The following DLG2 variants were observed in gnomAD, a reference collection of about 807,000 sequenced individuals.
The protein encoded by DLG2 is discs large MAGUK scaffold protein 2.
DLG2 carries 45 observed loss-of-function variants against 132.5 expected under a neutral mutation model. That is an observed-to-expected ratio of 0.34 (90% CI 0.27 to 0.44). The LOEUF is 0.44. Among genes scored for constraint, DLG2 ranks in the 20% least tolerant of loss-of-function variants. The probability of loss-of-function intolerance (pLI) is 1.00; values close to 1 mark genes in which losing one functional copy is unlikely to be tolerated. For synonymous variants in DLG2, 424 were observed against 419.6 expected, an observed-to-expected ratio of 1.01 and a Z score of -0.13; for missense variants, 1,045 against 1,196.9, an observed-to-expected ratio of 0.87 and a Z score of 1.87.
intron 15 of DLG2, among the ~76,000 whole-genome samples, chr11:83,875,258 G>T (rs1391803253): frequency 6.6e-6 from 1 of 152,078 alleles, no homozygotes; most frequent in Non-Finnish European, 1.5e-5. Flanking sequence ...TGATTTTGTA[G>T]ATAAGTAATA....
At chr11:84,265,693 GGTA>G (rs371461570) in intron 7 of DLG2, among the ~76,000 whole-genome samples, 28 of 151,938 alleles carry the variant, frequency 1.8e-4, no homozygotes, top group African/African-American at 6.5e-4. Context: ...AAGGAAGATA[GGTA>G]GTAGTAGTAG....
chr11:84,803,848 C>G (rs2075701278), intron 6 of DLG2, among the ~76,000 whole-genome samples: 1 of 152,154 alleles, frequency 6.6e-6, no homozygotes, highest in African/African-American at 2.4e-5. Context: ...ATGTTGCTTT[C>G]TGACTTCTTC....
intron 18 of DLG2, among the ~76,000 whole-genome samples, chr11:83,754,739 C>T (rs1197419441): frequency 6.6e-6 from 1 of 151,066 alleles, no homozygotes; most frequent in Non-Finnish European, 1.5e-5. Flanking sequence ...ACACAAGATA[C>T]AGGAGGAAAC....
intron 17 of DLG2, among the ~76,000 whole-genome samples, chr11:83,794,226 C>T (rs1309344154): frequency 6.6e-6 from 1 of 152,144 alleles, no homozygotes; most frequent in Admixed American, 6.5e-5. Flanking sequence ...TGCCCTTGTT[C>T]CTGTTGATTT....
chr11:85,183,679 G>C (rs920779636), intron 4 of DLG2, among the ~76,000 whole-genome samples: 4 of 151,880 alleles, frequency 2.6e-5, no homozygotes, highest in African/African-American at 9.7e-5. Flanking sequence ...GCATGGGCAG[G>C]CTGAGATATC....
At chr11:84,632,374 G>GA (rs1046870747) in intron 6 of DLG2, among the ~76,000 whole-genome samples, 14 of 149,600 alleles carry the variant, frequency 9.4e-5, no homozygotes, top group South Asian at 4.2e-4. Flanking sequence ...CATGTTTGAA[G>GA]AAAAAAAAAT....
chr11:85,165,531 A>G (rs142264771), intron 4 of DLG2, among the ~76,000 whole-genome samples: 1 of 152,304 alleles, frequency 6.6e-6, no homozygotes, highest in Non-Finnish European at 1.5e-5. Flanking sequence ...TCTATAAGGA[A>G]AGTACTTTGA....
intron 11 of DLG2, among the ~76,000 whole-genome samples, chr11:84,003,533 G>A (rs894987719): frequency 6.6e-6 from 1 of 152,090 alleles, no homozygotes; most frequent in African/African-American, 2.4e-5. Context: ...AGGTGAACTG[G>A]AAGAAAGACA....
At chr11:83,830,250 A>G (rs1331956029) in intron 17 of DLG2, among the ~76,000 whole-genome samples, 1 of 152,246 alleles carries the variant, frequency 6.6e-6, no homozygotes, top group Non-Finnish European at 1.5e-5. Context: ...TAAGACGACT[A>G]TAATTCTGAT....
chr11:83,951,668 T>A (rs115501207), intron 14 of DLG2, among the ~76,000 whole-genome samples: 193 of 152,150 alleles, frequency 1.3e-3, no homozygotes, highest in African/African-American at 4.6e-3. Flanking sequence ...GAAGTCTGAG[T>A]ATCAGTGAAG....
At chr11:84,196,295 C>G (rs920812021) in intron 8 of DLG2, among the ~76,000 whole-genome samples, 3 of 152,132 alleles carry the variant, frequency 2.0e-5, no homozygotes, top group Non-Finnish European at 4.4e-5. Flanking sequence ...CAATCAATGT[C>G]ACAGGAACTC....
intron 6 of DLG2, among the ~76,000 whole-genome samples, chr11:85,028,859 G>C (rs2060772321): frequency 6.6e-6 from 1 of 152,100 alleles, no homozygotes; most frequent in Non-Finnish European, 1.5e-5. Flanking sequence ...GAAAAGGGCT[G>C]GGCTCCTGCC....
chr11:85,486,897 G>A (rs973114093), intron 3 of DLG2, among the ~76,000 whole-genome samples: 5 of 150,396 alleles, frequency 3.3e-5, no homozygotes, highest in Non-Finnish European at 5.9e-5. Context: ...GGCCTTAAAA[G>A]AGACACCACC....
chr11:85,587,311 C>G (rs1048259906), intron 3 of DLG2, among the ~76,000 whole-genome samples: 1 of 152,160 alleles, frequency 6.6e-6, no homozygotes, highest in Non-Finnish European at 1.5e-5. Flanking sequence ...AAGTCCCCCA[C>G]TATTATTGTG....
chr11:85,037,806 T>G (rs1388954965), intron 6 of DLG2, among the ~76,000 whole-genome samples: 2 of 152,164 alleles, frequency 1.3e-5, no homozygotes, highest in East Asian at 3.8e-4. Context: ...GTTTCTAAAA[T>G]AAGACACATT....
rs199664093 is a variant in DLG2 at position 85,060,419 on chromosome 11, G to GTA, written c.357+51240_357+51241dup. 1.1e-4 allele frequency among the ~76,000 whole-genome samples: 17 copies of GTA among 149,902 alleles called. No individual in the cohort carries two copies. In the East Asian group the frequency reaches 3.0e-3, roughly 26 times the overall value. ...TATACATAACATTATATATGTGTGT[G>GTA]TATATATATGTGTATATATATACAC... On this transcript the variant is annotated intron_variant, in intron 6 of 27. Transcript: ENST00000376104.
intron 6 of DLG2, among the ~76,000 whole-genome samples, chr11:84,863,689 G>T (rs2084105940): frequency 6.6e-6 from 1 of 152,154 alleles, no homozygotes; most frequent in Admixed American, 6.6e-5. Flanking sequence ...AGACTCTGAT[G>T]AAGAGATAAA....
At chr11:84,172,698 A>G (rs182978111) in intron 8 of DLG2, among the ~76,000 whole-genome samples, 9 of 152,152 alleles carry the variant, frequency 5.9e-5, no homozygotes, top group Non-Finnish European at 1.0e-4. Context: ...ACCCGCCACC[A>G]TGCGCAGCTA....
At chr11:84,571,835 C>T (rs1484874093) in intron 6 of DLG2, among the ~76,000 whole-genome samples, 1 of 152,010 alleles carries the variant, frequency 6.6e-6, no homozygotes, top group Non-Finnish European at 1.5e-5. Context: ...CATGGCAAAC[C>T]ACAGCTGAGT....
Sources: allele counts gnomAD v4.1 joint callset (sites outside exome capture counted in the v4.1 genomes callset), GRCh38; gene constraint gnomAD v4.1.1; transcripts MANE v1.5; gene names NCBI Gene and HGNC (gene_info 2026-07-23, HGNC 2026-07-21).